ASB4: variants seen among roughly 807,000 people sequenced by gnomAD.
The protein encoded by ASB4 is ankyrin repeat and SOCS box protein 4.
A neutral mutation model predicts 38.6 loss-of-function variants in ASB4; 35 were observed. That is an observed-to-expected ratio of 0.91 (90% confidence interval 0.69 to 1.20). The LOEUF is 1.20. ASB4 is among the 50% of genes most tolerant of loss of function. ASB4 has a pLI of 0.00. For synonymous variants in ASB4, 195 were observed against 201.3 expected (o/e 0.97, Z 0.26); for missense variants, 557 against 527.2 (o/e 1.06, Z -0.55).
chr7:95,524,851 C>T (rs964139789), intron 2 of ASB4, among the ~76,000 whole-genome samples: 4 of 152,132 alleles, frequency 2.6e-5, no homozygotes, highest in South Asian at 4.1e-4. Flanking sequence ...AAGTTCCTGC[C>T]GTTTGCAGTG....
intron 2 of ASB4, among the ~76,000 whole-genome samples, chr7:95,497,216 A>G (rs1303923431): frequency 1.3e-5 from 2 of 152,214 alleles, no homozygotes; most frequent in Non-Finnish European, 2.9e-5. Flanking sequence ...TTCTGGAGCT[A>G]TGCAGAAAAT....
At chr7:95,491,232 A>C (rs1392704910) in intron 1 of ASB4, among the ~76,000 whole-genome samples, 1 of 152,200 alleles carries the variant, frequency 6.6e-6, no homozygotes, top group Non-Finnish European at 1.5e-5. Context: ...TTTTGTACAC[A>C]GGGGAAATAA....
rs1439720526 is a variant in ASB4 at position 95,495,809 on chromosome 7, ATC to A, written c.245_246del (p.Ser82CysfsTer22). ...AAGTCTTCCTGGGCCACAGGCCTCC[ATC>A]TCTCTGTCTTGTTTGGCCATGTGGA... is the stretch of plus-strand genomic sequence containing the variant. On this transcript the variant is annotated frameshift_variant, in exon 2 of 5. Transcript: ENST00000325885. LOFTEE classifies it high-confidence loss of function. 6.2e-7 allele frequency: 1 copy of A among 1,609,426 alleles called. No individual in the cohort carries two copies. Among genetic ancestry groups the A allele is most frequent in the Non-Finnish European group, 8.5e-7 (1 of 1,179,296 alleles).
chr7:95,546,560 G>A, the ASB4 span, among the ~76,000 whole-genome samples: 2 of 152,082 alleles, frequency 1.3e-5, no homozygotes, highest in Non-Finnish European at 2.9e-5. Context: ...TTACACCTAC[G>A]GCAGACAATA....
chr7:95,505,020 A>G (rs1055476643), intron 2 of ASB4, among the ~76,000 whole-genome samples: 8 of 152,240 alleles, frequency 5.3e-5, no homozygotes, highest in African/African-American at 1.7e-4. Context: ...TTTAGTGGTG[A>G]AATTGTAGAA....
At chr7:95,536,965 T>A (rs1412445869) in intron 4 of ASB4, among the ~76,000 whole-genome samples, 1 of 152,228 alleles carries the variant, frequency 6.6e-6, no homozygotes, top group Non-Finnish European at 1.5e-5. Context: ...AAACCCTGTC[T>A]TGGGTCCTAC....
At chr7:95,550,624 A>G in the ASB4 span, among the ~76,000 whole-genome samples, 1 of 152,164 alleles carries the variant, frequency 6.6e-6, no homozygotes, top group African/African-American at 2.4e-5. Context: ...ACCCAAATGC[A>G]AATATGTTCC....
chr7:95,522,227 G>A (rs1028013486), intron 2 of ASB4, among the ~76,000 whole-genome samples: 1 of 152,000 alleles, frequency 6.6e-6, no homozygotes, highest in Non-Finnish European at 1.5e-5. Context: ...TGCAGCTATG[G>A]TATAAATCAA....
downstream of ASB4, among the ~76,000 whole-genome samples, chr7:95,540,414 C>T (rs535815300): frequency 1.3e-4 from 20 of 152,236 alleles, no homozygotes; most frequent in African/African-American, 4.3e-4. Flanking sequence ...GTAACTGTGG[C>T]CAAAACACAA....
At chr7:95,504,115 T>C (rs1467251045) in intron 2 of ASB4, among the ~76,000 whole-genome samples, 3 of 152,158 alleles carry the variant, frequency 2.0e-5, no homozygotes, top group Non-Finnish European at 4.4e-5. Context: ...CAGGTTTAGG[T>C]GGCTGCTAAG....
At chr7:95,496,130 C>T in intron 2 of ASB4, 73 bp downstream of exon 2, 2 of 1,402,754 alleles carry the variant, frequency 1.4e-6, no homozygotes, top group Non-Finnish European at 2.0e-6. Flanking sequence ...TGACCCCTAC[C>T]TACCCCAGAT....
At chr7:95,485,860 A>G, upstream of ASB4, 1 of 870,578 alleles carries the variant, frequency 1.1e-6, no homozygotes, top group Non-Finnish European at 1.8e-6. Context: ...ACGGATCAGC[A>G]TAACTTTGGG....
upstream of ASB4, among the ~76,000 whole-genome samples, chr7:95,484,176 C>A (rs1790053071): frequency 1.3e-5 from 2 of 151,858 alleles, no homozygotes; most frequent in South Asian, 4.1e-4. Context: ...AAAAAACACA[C>A]AAAATTTAGC....
rs370663407 is a variant in ASB4, at chr7:95,495,917, A to T, written c.347A>T (p.Glu116Val). Reference sequence around the variant, plus strand: ...AAAACCCCTCTTCACGTGGCTTGTGAAATGGCCAATGTGGATTGTGTTAAG... The same window carrying T: ...AAAACCCCTCTTCACGTGGCTTGTGTAATGGCCAATGTGGATTGTGTTAAG... ...NGKTPLHVAC[E>V]MANVDCVKIL... is the part of the protein sequence containing the mutation. The change falls in exon 2 of 5, where the codon GAA becomes GTA. Residue 116 changes from glutamate (E) to valine (V), a missense_variant. By Grantham distance (121) the Glu-to-Val change is moderately radical. Transcript: ENST00000325885. The T allele has an allele frequency of 6.8e-6, 11 of 1,614,010 alleles. No individual in the cohort carries two copies. The African/African-American group carries it at 1.3e-4, about 20-fold the overall frequency.
chr7:95,549,119 G>A, the ASB4 span, among the ~76,000 whole-genome samples: 1 of 152,000 alleles, frequency 6.6e-6, no homozygotes, highest in Non-Finnish European at 1.5e-5. Context: ...TAGCAGGATG[G>A]GGATGTCCAG....
intron 2 of ASB4, among the ~76,000 whole-genome samples, chr7:95,511,747 C>T (rs979787920): frequency 1.3e-5 from 2 of 152,122 alleles, no homozygotes; most frequent in African/African-American, 4.8e-5. Context: ...TATGCTTTCA[C>T]TAATCCTCAC....
the ASB4 span, among the ~76,000 whole-genome samples, chr7:95,473,147 C>G: frequency 1.3e-5 from 2 of 152,118 alleles, no homozygotes; most frequent in African/African-American, 2.4e-5. Context: ...GTCAAATTCT[C>G]AAAGAAGACA....
the ASB4 span, among the ~76,000 whole-genome samples, chr7:95,549,176 G>C: frequency 1.3e-5 from 2 of 152,116 alleles, no homozygotes; most frequent in African/African-American, 4.8e-5. Flanking sequence ...TGGGGATATA[G>C]AAAGAGAGTG....
Position 95,527,873 on chromosome 7 carries a change from C to T in ASB4, c.548C>T (p.Ala183Val). 1 of 1,613,616 alleles carries T rather than the reference C, an allele frequency of 6.2e-7. No individual in the cohort carries two copies. The highest frequency in any genetic ancestry group is 8.5e-7 in the Non-Finnish European group (1 of 1,179,790). ...GAGGAGACGCCCTTGCACACGGCTG[C>T]CCACTTCGGCCTTTCGGAGCTGGTG... ...QDEETPLHTA[A>V]HFGLSELVAF... The change falls in exon 3 of 5, where the codon GCC (alanine) becomes GTC (valine). Residue 183 changes from alanine (A) to valine (V), a missense_variant. By Grantham distance (64) the Ala-to-Val change is moderately conservative. Transcript: ENST00000325885.
Sources: allele counts gnomAD v4.1 joint callset (sites outside exome capture counted in the v4.1 genomes callset), GRCh38; gene constraint gnomAD v4.1.1; transcripts MANE v1.5; gene names NCBI Gene and HGNC (gene_info 2026-07-23, HGNC 2026-07-21).